The following ADARB2 variants were observed in gnomAD, a reference collection of about 807,000 sequenced individuals.
The protein encoded by ADARB2 is adenosine deaminase RNA specific B2 (inactive), also known as inactive double-stranded RNA-specific editase B2.
Under a neutral mutation model 62.2 loss-of-function variants are expected in ADARB2, and 25 were observed. That is an observed-to-expected ratio of 0.40 (90% CI 0.29 to 0.56). The LOEUF is 0.56. Ranked by LOEUF, ADARB2 falls within the 20% of genes least tolerant of loss-of-function variation. The pLI, the probability that ADARB2 is intolerant of heterozygous loss-of-function variation, is 0.43. For synonymous variants in ADARB2, 572 were observed against 500.8 expected (o/e 1.14, Z -1.90); for missense variants, 1,071 against 1,077.4 (o/e 0.99, Z 0.08).
At chr10:1,445,336 C>A (rs1156522178) in intron 1 of ADARB2, among the ~76,000 whole-genome samples, 1 of 151,390 alleles carries the variant, frequency 6.6e-6, no homozygotes, top group Non-Finnish European at 1.5e-5. Flanking sequence ...TCTGTCCATT[C>A]GTTATTCATC....
intron 1 of ADARB2, among the ~76,000 whole-genome samples, chr10:1,508,410 GGCAGA>G (rs1831879311): frequency 6.6e-6 from 1 of 152,212 alleles, no homozygotes; most frequent in Non-Finnish European, 1.5e-5. Context: ...AAACCTGCCT[GGCAGA>G]GTCGTTGGGA....
rs560661043 is a variant in ADARB2 at position 1,352,867 on chromosome 10, C to T, written c.1077+10161G>A. ...TCTCTCTGATCCACCTGACATTCAC[C>T]CCATTTCCCCATATTTCCTTCTTCC... On this transcript the variant is annotated intron_variant, in intron 3 of 9. Transcript: ENST00000381312. Among the ~76,000 whole-genome samples, 6 of 152,240 alleles carry T rather than the reference C, an allele frequency of 3.9e-5. No individual in the cohort carries two copies. In the East Asian group the frequency reaches 9.6e-4, roughly 24 times the overall value.
chr10:1,361,073 G>C (rs148743895), intron 3 of ADARB2: 2,347 of 152,310 alleles, frequency 0.015, 31 homozygotes, highest in Middle Eastern at 0.071. Flanking sequence ...CGGGGGACAC[G>C]CCCCAGACCA....
chr10:1,582,707 C>T lies in ADARB2; in HGVS notation c.100+154344G>A, dbSNP rs116693968. On this transcript the variant is annotated intron_variant, in intron 1 of 9. Transcript: ENST00000381312. ...CTCGACCCTAACACTAGTGCAAATG[C>T]TACTCTTCTCAGGCTGCTCAAGCTC... Among the ~76,000 whole-genome samples, 314 of 152,246 alleles carry T rather than the reference C, an allele frequency of 2.1e-3. 1 individual carries two copies. Among genetic ancestry groups the T allele is most frequent in the African/African-American group, 6.9e-3 (288 of 41,532 alleles).
chr10:1,722,464 G>C (rs1835104741), intron 1 of ADARB2, among the ~76,000 whole-genome samples: 1 of 152,158 alleles, frequency 6.6e-6, no homozygotes, highest in Non-Finnish European at 1.5e-5. Flanking sequence ...CAAACACACA[G>C]GGGCACACAA....
chr10:1,587,565 C>T (rs983959565), intron 1 of ADARB2, among the ~76,000 whole-genome samples: 14 of 151,942 alleles, frequency 9.2e-5, no homozygotes, highest in African/African-American at 3.1e-4. Context: ...TAAGCACTTA[C>T]AAAGCAATAT....
rs781509675 is a variant in ADARB2, at chr10:1,704,309, T to A, written c.100+32742A>T. On this transcript the variant is annotated intron_variant, in intron 1 of 9. Coordinates refer to ENST00000381312, the MANE Select transcript of ADARB2 (RefSeq NM_018702.4). This position sits in a 1 kb window ranked among gnomAD's most constrained non-coding sequence, Gnocchi z 5.6. ...AATAATTATATAACTCAGCATAATG[T>A]AGAATCAGTGGGAGTCCTGAGCTTG... Among the ~76,000 whole-genome samples, 8 of 152,220 alleles carry A rather than the reference T, an allele frequency of 5.3e-5. No individual in the cohort carries two copies. Among genetic ancestry groups the A allele is most frequent in the Admixed American group, 6.5e-5 (1 of 15,280 alleles).
chr10:1,565,527 G>A (rs1832848975), intron 1 of ADARB2, among the ~76,000 whole-genome samples: 1 of 152,152 alleles, frequency 6.6e-6, no homozygotes, highest in African/African-American at 2.4e-5. Flanking sequence ...GAGGCAGCAG[G>A]GAAAGGGGCC....
chr10:1,359,594 G>GT (rs1282636069), intron 3 of ADARB2, among the ~76,000 whole-genome samples: 1 of 152,200 alleles, frequency 6.6e-6, no homozygotes, highest in African/African-American at 2.4e-5. Context: ...TAAGGAAGCT[G>GT]ATATTGTGAA....
chr10:1,644,446 G>T (rs189221459), intron 1 of ADARB2, among the ~76,000 whole-genome samples: 24 of 152,230 alleles, frequency 1.6e-4, no homozygotes, highest in South Asian at 2.1e-4. Flanking sequence ...ATCCAAGCTC[G>T]GTCGGGGGAG....
intron 3 of ADARB2, among the ~76,000 whole-genome samples, chr10:1,314,986 C>A (rs1318584680): frequency 6.6e-6 from 1 of 152,212 alleles, no homozygotes; most frequent in African/African-American, 2.4e-5. Flanking sequence ...CTCTCCACCC[C>A]TTCCTGATCA....
rs369386003 is a variant in ADARB2 at position 1,220,534 on chromosome 10, C to T, written c.1514-3415G>A. On this transcript the variant is annotated intron_variant, in intron 6 of 9. Coordinates refer to ENST00000381312, the MANE Select transcript of ADARB2 (RefSeq NM_018702.4). ...GGTCTTTATGAACATCAACTTTCTG[C>T]GGAAGGCAACATTGAAAGCATGGAG... 1.5e-4 allele frequency among the ~76,000 whole-genome samples: 23 copies of T among 152,236 alleles called. No homozygotes were observed. In the East Asian group the frequency reaches 3.7e-3, roughly 24 times the overall value.
intron 1 of ADARB2, among the ~76,000 whole-genome samples, chr10:1,619,599 A>G (rs1443597550): frequency 6.6e-6 from 1 of 152,080 alleles, no homozygotes; most frequent in South Asian, 2.1e-4. Context: ...TTACAGGGGT[A>G]TGCCACCATG....
chr10:1,377,013 TTGTG>T (rs1286210371), intron 2 of ADARB2, among the ~76,000 whole-genome samples: 2 of 108,658 alleles, frequency 1.8e-5, no homozygotes, highest in Non-Finnish European at 3.7e-5. Context: ...GTGTGTGTGT[TTGTG>T]TGTGCTCCTG....
chr10:1,641,055 C>G (rs887552607), intron 1 of ADARB2, among the ~76,000 whole-genome samples: 1 of 152,062 alleles, frequency 6.6e-6, no homozygotes, highest in Non-Finnish European at 1.5e-5. Context: ...GTTATCTTTG[C>G]TAAAAGGAAA....
intron 3 of ADARB2, among the ~76,000 whole-genome samples, chr10:1,313,988 C>T (rs1388800786): frequency 6.6e-6 from 1 of 152,206 alleles, no homozygotes; most frequent in East Asian, 1.9e-4. Context: ...TTCTGCAGGG[C>T]AATCTCCAGC....
At chr10:1,501,573 T>A (rs1831768893) in intron 1 of ADARB2, among the ~76,000 whole-genome samples, 1 of 152,230 alleles carries the variant, frequency 6.6e-6, no homozygotes, top group African/African-American at 2.4e-5. Context: ...ATTACCATTA[T>A]CTTTAATTCA....
intron 1 of ADARB2, among the ~76,000 whole-genome samples, chr10:1,590,253 G>A (rs1833234430): frequency 6.6e-6 from 1 of 152,236 alleles, no homozygotes; most frequent in Non-Finnish European, 1.5e-5. Flanking sequence ...CCCATTAGGA[G>A]CCTCAGATTG....
chr10:1,733,504 C>A (rs1835260246), intron 1 of ADARB2, among the ~76,000 whole-genome samples: 2 of 152,056 alleles, frequency 1.3e-5, no homozygotes, highest in South Asian at 4.1e-4. Context: ...TAAGAAATTC[C>A]TCATACATAC....
Sources: gnomAD v4.1 joint callset for allele counts (sites outside exome capture counted in the v4.1 genomes callset) on GRCh38, gnomAD v4.1.1 for gene constraint, Gnocchi (gnomAD v3.1) non-coding constraint, MANE v1.5 for transcripts, NCBI Gene and HGNC (gene_info 2026-07-23, HGNC 2026-07-21) for gene names.